The following MUC4 variants were observed in gnomAD, a reference collection of about 807,000 sequenced individuals.
The protein encoded by MUC4 is mucin 4, cell surface associated.
MUC4 carries 202 observed loss-of-function variants against 257.9 expected under a neutral mutation model. The observed-to-expected ratio is 0.78, with a 90% CI of 0.70 to 0.88. MUC4 has a LOEUF of 0.88. Ranked by LOEUF, MUC4 falls within the 40% of genes least tolerant of loss-of-function variation. The probability of loss-of-function intolerance (pLI) is 0.00; values close to 1 mark genes in which losing one functional copy is unlikely to be tolerated. For synonymous variants in MUC4, 2,351 were observed against 2,757.1 expected (o/e 0.85, Z 4.62); for missense variants, 5,976 against 6,513.7 (o/e 0.92, Z 2.84).
At chr3:195,767,404 A>G (rs1432049139) in intron 7 of MUC4, among the ~76,000 whole-genome samples, 2 of 149,914 alleles carry the variant, frequency 1.3e-5, no homozygotes, top group Admixed American at 1.3e-4. Context: ...CACCACCACC[A>G]TCATCGTCAC....
At chr3:195,771,615 C>G in intron 5 of MUC4, 37 bp downstream of exon 5, 5 of 1,600,384 alleles carry the variant, frequency 3.1e-6, no homozygotes, top group Non-Finnish European at 4.3e-6. Flanking sequence ...CTGCCAGCTG[C>G]TGGGGGATCC....
At position 195,784,046 on chromosome 3, in the gene MUC4, G is replaced by T; in HGVS notation, c.7534C>A (p.Pro2512Thr). Residue 2512 changes from proline to threonine, a missense_variant, in exon 2 of 25, where the codon CCT (proline) becomes ACT (threonine). Coordinates refer to ENST00000463781, the MANE Select transcript of MUC4 (RefSeq NM_018406.7). ...GAGGGAGTGTCGGTGACAGGTAGAG[G>T]GGTGGTGTGACCTGTAGATGCTGAG... is the stretch of plus-strand genomic sequence containing the variant. ...PSSASTGHTT[P>T]LPVTDTPSAS... 1 of 1,524,662 alleles carries T rather than the reference G, an allele frequency of 6.6e-7. No individual in the cohort carries two copies. Among genetic ancestry groups the T allele is most frequent in the Admixed American group, 2.0e-5 (1 of 50,100 alleles). The allele number at this position is 1,524,662 out of a possible 1,614,324, so 94.4% of individuals were successfully genotyped here. A position where few individuals can be genotyped will look rare whatever the true frequency, so the allele number is the denominator to read the frequency against.
Position 195,762,945 on chromosome 3 carries a change from C to G in MUC4, c.14254G>C (p.Val4752Leu). 6.4e-7 allele frequency: 1 copy of G among 1,556,226 alleles called. No individual in the cohort carries two copies. The highest frequency in any genetic ancestry group is 1.9e-5 in the Admixed American group (1 of 52,478). Residue 4752 changes from valine (V) to leucine (L), a missense_variant and splice_region_variant, in exon 13 of 25, where the codon GTC becomes CTC. Val to Leu is a conservative substitution (Grantham distance 32). Around this residue, in one of 44 missense-constraint regions of MUC4, gnomAD observed 996 missense variants for 1,137.3 expected, o/e 0.88. Transcript: ENST00000463781. ...TCGTGAGGCTCAAGGAGCCATTGGA[C>G]CTGGAAGGAGATGGGAGGGGGCCTG... is the stretch of plus-strand genomic sequence containing the variant. ...YRSSSLGPVT[V>L]QWLLEPHDAI...
chr3:195,761,890 C>G (rs1719018472), intron 14 of MUC4, among the ~76,000 whole-genome samples, 197 bp downstream of exon 14: 2 of 152,108 alleles, frequency 1.3e-5, no homozygotes, highest in African/African-American at 4.8e-5. Flanking sequence ...TCCCTTAGAG[C>G]GGGCGGAGGA....
At chr3:195,765,641 C>G (rs1347248401) in intron 8 of MUC4, among the ~76,000 whole-genome samples, 192 bp from the exon 9 acceptor site, 8 of 152,338 alleles carry the variant, frequency 5.3e-5, no homozygotes. Flanking sequence ...TTCTGACGAC[C>G]AAACGTGGTT....
intron 18 of MUC4, 141 bp from the exon 19 acceptor site, chr3:195,754,513 TC>T: frequency 8.7e-7 from 1 of 1,151,576 alleles, no homozygotes; most frequent in Non-Finnish European, 1.2e-6. Context: ...CTGAGCACCT[TC>T]TTGACCAGGC....
chr3:195,794,027 G>A (rs924171403), intron 1 of MUC4, among the ~76,000 whole-genome samples: 2 of 151,586 alleles, frequency 1.3e-5, no homozygotes, highest in East Asian at 1.9e-4. Flanking sequence ...AGGATCACTC[G>A]AGGCCAGGAG....
rs988611685 is a variant in MUC4 at position 195,779,096 on chromosome 3, G to T, written c.12484C>A (p.Pro4162Thr). 4.0e-6 allele frequency: 6 copies of T among 1,502,342 alleles called. No individual in the cohort carries two copies. In the African/African-American group the frequency reaches 6.3e-5, roughly 16 times the overall value. 93.1% of individuals were successfully genotyped at this position (1,502,342 alleles called of 1,614,324 possible). A position where few individuals can be genotyped will look rare whatever the true frequency, so the allele number is the denominator to read the frequency against. The change falls in exon 2 of 25, where the codon CCT becomes ACT. Residue 4162 changes from proline (P) to threonine (T), a missense_variant. Coordinates refer to ENST00000463781, the MANE Select transcript of MUC4 (RefSeq NM_018406.7). ...GACACTGAGGAAGCGTCGGTGACAGGAAGAGAGGTGGTGTGACCTGAGGAT... is the reference window on the plus strand; with the variant it reads ...GACACTGAGGAAGCGTCGGTGACAGTAAGAGAGGTGGTGTGACCTGAGGAT... ...SASSGHTTSLPVTDASSVSTG... is the reference protein window; with the variant it reads ...SASSGHTTSLTVTDASSVSTG...
At position 195,758,573 on chromosome 3, in the gene MUC4, C is replaced by T. The variant is rs372300667; in HGVS notation, c.14986+551G>A. Reference sequence around the variant, plus strand: ...GATTGAGATTAAATGATCTTCAAATCTTTTTTTTGAGACAGAGTCTCGCTC... The same window carrying T: ...GATTGAGATTAAATGATCTTCAAATTTTTTTTTTGAGACAGAGTCTCGCTC... On this transcript the variant is annotated intron_variant, in intron 17 of 24. Transcript: ENST00000463781. Among the ~76,000 whole-genome samples the T allele has an allele frequency of 4.3e-4, 54 of 126,458 alleles. 2 individuals carry two copies. The highest frequency in any genetic ancestry group is 8.7e-4 in the African/African-American group (28 of 32,104). 83.0% of individuals were successfully genotyped at this position (126,458 alleles called of 152,430 possible).
intron 23 of MUC4, among the ~76,000 whole-genome samples, chr3:195,749,352 A>T (rs1477459918): frequency 6.6e-6 from 1 of 150,884 alleles, no homozygotes; most frequent in African/African-American, 2.5e-5. Context: ...CTGTGGAAAA[A>T]GGTTCCTATG....
intron 1 of MUC4, 71 bp from the exon 2 acceptor site, chr3:195,791,568 T>C (rs1029519815): frequency 2.1e-6 from 2 of 934,030 alleles, no homozygotes; most frequent in Non-Finnish European, 3.3e-6. Flanking sequence ...TTGCTACAAA[T>C]AGAATAAAAT....
chr3:195,747,521 G>A lies in MUC4; in HGVS notation c.16035-141C>T, dbSNP rs1202579594. ...CCGGAGAGACTGAGTCAGCCCTGAGGCCGTGCTGAAGTGAGACCACTGGGC... is the reference window on the plus strand; with the variant it reads ...CCGGAGAGACTGAGTCAGCCCTGAGACCGTGCTGAAGTGAGACCACTGGGC... On this transcript the variant is annotated intron_variant, in intron 24 of 24. Coordinates refer to ENST00000463781, the MANE Select transcript of MUC4 (RefSeq NM_018406.7). The A allele has an allele frequency of 6.1e-5, 64 of 1,057,334 alleles. No homozygotes were observed. In the East Asian group the frequency reaches 1.5e-3, roughly 24 times the overall value. 65.5% of individuals were successfully genotyped at this position (1,057,334 alleles called of 1,614,324 possible). A position where few individuals can be genotyped will look rare whatever the true frequency, so the allele number is the denominator to read the frequency against.
chr3:195,767,932 C>T (rs62282461), intron 7 of MUC4, among the ~76,000 whole-genome samples: 78,838 of 125,568 alleles, frequency 0.63, 25,886 homozygotes, highest in East Asian at 0.78. Flanking sequence ...CCACCTCCAC[C>T]GCCACTACCA....
Position 195,789,122 on chromosome 3 carries a change from C to G in MUC4, c.2458G>C (p.Gly820Arg). ...GTCGTCTCTCCTGAGGTGGATATTCCTTCGCTTCCTGAAGGTGTTGTGCCA... is the reference window on the plus strand; with the variant it reads ...GTCGTCTCTCCTGAGGTGGATATTCGTTCGCTTCCTGAAGGTGTTGTGCCA... ...ASGTTPSGSE[G>R]ISTSGETTRF... Residue 820 changes from glycine to arginine, a missense_variant, in exon 2 of 25, where the codon GGA becomes CGA. Physicochemically the swap from Gly to Arg is moderately radical, Grantham distance 125. Coordinates refer to ENST00000463781, the MANE Select transcript of MUC4 (RefSeq NM_018406.7). 6.2e-7 allele frequency: 1 copy of G among 1,613,590 alleles called. No individual in the cohort carries two copies. The highest frequency in any genetic ancestry group is 8.5e-7 in the Non-Finnish European group (1 of 1,179,744).
chr3:195,781,150 C>T lies in MUC4; in HGVS notation c.10430G>A (p.Ser3477Asn), dbSNP rs200804425. The change falls in exon 2 of 25, where the codon AGC becomes AAC. Residue 3477 changes from serine to asparagine, a missense_variant. By Grantham distance (46) the Ser-to-Asn change is conservative (BLOSUM62 1). Coordinates refer to ENST00000463781, the MANE Select transcript of MUC4 (RefSeq NM_018406.7). ...GTGACCTGTAGATGCTGAGGAAGGG[C>T]TGGTGACAGGAAGAGGGGTGGTGTC... ...TGDTTPLPVT[S>N]PSSASTGHTT... is the part of the protein sequence containing the mutation. The T allele has an allele frequency of 3.5e-3, 4,600 of 1,317,330 alleles. 31 individuals are homozygous for T. Among genetic ancestry groups the T allele is most frequent in the East Asian group, 0.016 (575 of 34,964 alleles). The allele number at this position is 1,317,330 out of a possible 1,614,324, so 81.6% of individuals were successfully genotyped here.
chr3:195,767,868 C>T (rs1201860915), intron 7 of MUC4, among the ~76,000 whole-genome samples: 13 of 142,352 alleles, frequency 9.1e-5, no homozygotes, highest in South Asian at 4.4e-4. Context: ...ACCCCCAACA[C>T]CACCACCATC....
rs764521391 is a variant in MUC4, at chr3:195,789,824, C to T, written c.1756G>A (p.Val586Met). The T allele has an allele frequency of 1.2e-6, 2 of 1,613,764 alleles. No homozygotes were observed. The highest frequency in any genetic ancestry group is 3.3e-5 in the Admixed American group (2 of 60,024). The change falls in exon 2 of 25, where the codon GTG becomes ATG. Residue 586 changes from valine to methionine, a missense_variant. By Grantham distance (21) the Val-to-Met change is conservative (BLOSUM62 1). Transcript: ENST00000463781. ...GTGGCCGTTTTTATCATCTGAGTCA[C>T]ACTGTAGCTTGGGCTGCTGAGAAGA... ...EALLSSPSYS[V>M]TQMIKTATSP...
At chr3:195,759,586 G>T (rs1718356555) in intron 16 of MUC4, among the ~76,000 whole-genome samples, 1 of 152,136 alleles carries the variant, frequency 6.6e-6, no homozygotes, top group African/African-American at 2.4e-5. Flanking sequence ...ATTACAAAGG[G>T]TTGTACCCTT....
intron 1 of MUC4, 122 bp downstream of exon 1, chr3:195,811,614 G>C: frequency 1.3e-6 from 1 of 766,328 alleles, no homozygotes; most frequent in Non-Finnish European, 2.1e-6. Flanking sequence ...CCTCTTCGCT[G>C]TCTCCCTTTC....
Sources: gnomAD v4.1 joint callset for allele counts (sites outside exome capture counted in the v4.1 genomes callset) on GRCh38, gnomAD v4.1.1 for gene constraint, gnomAD v4.1.1 regional missense constraint, MANE v1.5 for transcripts, NCBI Gene and HGNC (gene_info 2026-07-23, HGNC 2026-07-21) for gene names.